PLA2R1: variants seen among roughly 807,000 people sequenced by gnomAD.
PLA2R1 encodes secretory phospholipase A2 receptor.
A neutral mutation model predicts 195.9 loss-of-function variants in PLA2R1; 158 were observed. The ratio of observed to expected loss-of-function variants is 0.81; its 90% confidence interval spans 0.71 to 0.92. PLA2R1 has a LOEUF of 0.92. Among genes scored for constraint, PLA2R1 ranks in the 40% least tolerant of loss-of-function variants. The pLI, the probability that PLA2R1 is intolerant of heterozygous loss-of-function variation, is 0.00. For missense variants in PLA2R1, 1,626 were observed against 1,764.6 expected (o/e 0.92, Z 1.41); for synonymous variants, 586 against 598.2 (o/e 0.98, Z 0.30).
At chr2:159,982,404 T>C (rs896744944) in intron 13 of PLA2R1, among the ~76,000 whole-genome samples, 7 of 152,182 alleles carry the variant, frequency 4.6e-5, no homozygotes, top group African/African-American at 1.4e-4. Context: ...TCCTGAGTCA[T>C]GGCCTCATGT....
Position 160,042,102 on chromosome 2 carries a change from C to G in PLA2R1, c.590G>C (p.Arg197Pro), listed in dbSNP as rs372443924. The G allele has an allele frequency of 1.1e-5, 17 of 1,614,152 alleles. No individual in the cohort carries two copies. In the African/African-American group the frequency reaches 2.3e-4, roughly 22 times the overall value. ...QWHHECTREG[R>P]EDDLLWCATT... The stretch of plus-strand genomic sequence containing the variant: ...GGCACACCACAGTAAGTCATCTTCC[C>G]GACCTTCACGGGTACATTCATGATG... Residue 197 changes from arginine (R) to proline (P), a missense_variant, in exon 3 of 30, where the codon CGG (arginine) becomes CCG (proline). Physicochemically the swap from Arg to Pro is moderately radical, Grantham distance 103. Transcript: ENST00000283243.
intron 12 of PLA2R1, among the ~76,000 whole-genome samples, chr2:159,986,766 T>C (rs1238216079): frequency 6.6e-6 from 1 of 152,024 alleles, no homozygotes; most frequent in East Asian, 1.9e-4. Flanking sequence ...TTTGTATTTT[T>C]AGTAGAGATG....
In PLA2R1 at chr2:159,932,406, G is replaced by C. The variant is rs936534825; in HGVS notation, c.*9372C>G. On this transcript the variant is annotated 3_prime_UTR_variant, in exon 30 of 30. Coordinates refer to ENST00000283243, the MANE Select transcript of PLA2R1 (RefSeq NM_007366.5). ...CATCGATTAAGGCATGCTCTGTCCTGAAGTTTGTCCTCAGCCTCCACAGAA... is the reference window on the plus strand; with the variant it reads ...CATCGATTAAGGCATGCTCTGTCCTCAAGTTTGTCCTCAGCCTCCACAGAA... 1.3e-5 allele frequency: 2 copies of C among 152,318 alleles called. No homozygotes were observed. The highest frequency in any genetic ancestry group is 4.8e-5 in the African/African-American group (2 of 41,462). The allele number at this position is 152,318 out of a possible 1,614,324, so 9.4% of individuals were successfully genotyped here. A position where few individuals can be genotyped will look rare whatever the true frequency, so the allele number is the denominator to read the frequency against.
intron 13 of PLA2R1, among the ~76,000 whole-genome samples, chr2:159,981,537 C>T (rs1689956190): frequency 6.6e-6 from 1 of 151,988 alleles, no homozygotes; most frequent in Non-Finnish European, 1.5e-5. Flanking sequence ...TCCTGAGTAG[C>T]TGGGACTACA....
At chr2:160,017,943 A>G (rs2715938) in intron 8 of PLA2R1, among the ~76,000 whole-genome samples, 110,200 of 152,108 alleles carry the variant, frequency 0.72, 40,378 homozygotes, top group East Asian at 0.87. Flanking sequence ...CAGGCATACT[A>G]TAGTTAAGAA....
chr2:160,000,553 C>A (rs1300787351), intron 11 of PLA2R1, among the ~76,000 whole-genome samples: 1 of 152,016 alleles, frequency 6.6e-6, no homozygotes, highest in African/African-American at 2.4e-5. Flanking sequence ...TAGTTCTAGG[C>A]AAAACCCACA....
intron 10 of PLA2R1, among the ~76,000 whole-genome samples, chr2:160,011,717 TGACTGGGG>T (rs1692372059): frequency 6.6e-6 from 1 of 152,220 alleles, no homozygotes; most frequent in East Asian, 1.9e-4. Context: ...GTTGACTCAC[TGACTGGGG>T]GACTTCCAAC....
chr2:160,007,360 T>C (rs533557832), intron 10 of PLA2R1, among the ~76,000 whole-genome samples: 1 of 152,272 alleles, frequency 6.6e-6, no homozygotes, highest in South Asian at 2.1e-4. Context: ...CCCCCAGACC[T>C]AGGTGAGGAC....
At chr2:160,020,607 G>A (rs939861305) in intron 7 of PLA2R1, among the ~76,000 whole-genome samples, 2 of 152,080 alleles carry the variant, frequency 1.3e-5, no homozygotes, top group Non-Finnish European at 2.9e-5. Flanking sequence ...GAATGGTACT[G>A]GTGGCTTTAT....
chr2:159,987,395 A>C (rs1356154798), intron 11 of PLA2R1, 37 bp from the exon 12 acceptor site: 1 of 1,472,140 alleles, frequency 6.8e-7, no homozygotes, highest in South Asian at 1.2e-5. Flanking sequence ...ATACCAGACG[A>C]CTAAAACGTT....
intron 1 of PLA2R1, among the ~76,000 whole-genome samples, chr2:160,058,521 C>T (rs975738816): frequency 3.3e-5 from 5 of 152,084 alleles, no homozygotes; most frequent in African/African-American, 4.8e-5. Flanking sequence ...TCACATTTAT[C>T]ATTTTTCAAC....
At chr2:160,017,203 C>T (rs961103681) in intron 8 of PLA2R1, among the ~76,000 whole-genome samples, 3 of 152,144 alleles carry the variant, frequency 2.0e-5, no homozygotes, top group Non-Finnish European at 2.9e-5. Flanking sequence ...TTCTCAATCT[C>T]GAGTGTGCTC....
chr2:159,933,011 T>C lies in PLA2R1; in HGVS notation c.*8767A>G, dbSNP rs1686653979. 6.7e-6 allele frequency: 1 copy of C among 148,258 alleles called. No individual in the cohort carries two copies. Among genetic ancestry groups the C allele is most frequent in the African/African-American group, 2.4e-5 (1 of 40,940 alleles). The allele number at this position is 148,258 out of a possible 1,614,324, so 9.2% of individuals were successfully genotyped here. ...TAGATCATGATGTCTTTTTTTTTTT[T>C]TGAAGAAAAAAGATGGTATTGCTAT... On this transcript the variant is annotated 3_prime_UTR_variant, in exon 30 of 30. Coordinates refer to ENST00000283243, the MANE Select transcript of PLA2R1 (RefSeq NM_007366.5).
At chr2:159,945,647 C>G (rs982115739) in intron 27 of PLA2R1, among the ~76,000 whole-genome samples, 1 of 151,954 alleles carries the variant, frequency 6.6e-6, no homozygotes, top group East Asian at 1.9e-4. Flanking sequence ...TGAATAGTGC[C>G]GCAATAAACA....
chr2:159,943,325 C>T (rs1424186981), intron 28 of PLA2R1, among the ~76,000 whole-genome samples: 5 of 151,974 alleles, frequency 3.3e-5, no homozygotes, highest in South Asian at 2.1e-4. Flanking sequence ...ATTAAACTGT[C>T]GAAAATATGT....
Position 159,937,006 on chromosome 2 carries a change from T to C in PLA2R1, c.*4772A>G, listed in dbSNP as rs1212887088. Reference sequence around the variant, plus strand: ...TATCCCTCTATTACTTGAATTCCTTTCTCATAGGTGCCAAAAAATCAGTGA... The same window carrying C: ...TATCCCTCTATTACTTGAATTCCTTCCTCATAGGTGCCAAAAAATCAGTGA... On this transcript the variant is annotated 3_prime_UTR_variant, in exon 30 of 30. Coordinates refer to ENST00000283243, the MANE Select transcript of PLA2R1 (RefSeq NM_007366.5). 6.6e-6 allele frequency: 1 copy of C among 152,204 alleles called. No individual in the cohort carries two copies. The highest frequency in any genetic ancestry group is 2.4e-5 in the African/African-American group (1 of 41,454). The allele number at this position is 152,204 out of a possible 1,614,324, so 9.4% of individuals were successfully genotyped here.
chr2:159,980,129 T>C (rs1040502472), intron 13 of PLA2R1, among the ~76,000 whole-genome samples: 1 of 152,206 alleles, frequency 6.6e-6, no homozygotes, highest in Non-Finnish European at 1.5e-5. Context: ...ACTGGCAGGA[T>C]TGATCAAGTC....
At chr2:160,005,957 A>G in intron 10 of PLA2R1, 136 bp from the exon 11 acceptor site, 1 of 661,978 alleles carries the variant, frequency 1.5e-6, no homozygotes, top group Non-Finnish European at 2.7e-6. Flanking sequence ...GAACAGGAAA[A>G]CACCCAAAGA....
chr2:159,997,342 A>T (rs1385761879), intron 11 of PLA2R1, among the ~76,000 whole-genome samples: 1 of 152,004 alleles, frequency 6.6e-6, no homozygotes, highest in Non-Finnish European at 1.5e-5. Flanking sequence ...CATCACGTGA[A>T]AGGATAGAGC....
Sources: gnomAD v4.1 joint callset for allele counts (sites outside exome capture counted in the v4.1 genomes callset) on GRCh38, gnomAD v4.1.1 for gene constraint, MANE v1.5 for transcripts, NCBI Gene and HGNC (gene_info 2026-07-23, HGNC 2026-07-21) for gene names.